The following KCNB2 variants were observed in gnomAD, a reference collection of about 807,000 sequenced individuals.
KCNB2 encodes the protein delayed rectifier potassium channel protein.
In KCNB2, 15 loss-of-function variants were observed where a neutral mutation model predicts 61.5. The observed-to-expected ratio is 0.24, with a 90% CI of 0.16 to 0.38. KCNB2 has a LOEUF of 0.38. KCNB2 is among the 10% of genes least tolerant of loss of function. The pLI, the probability that KCNB2 is intolerant of heterozygous loss-of-function variation, is 1.00. For missense variants in KCNB2, 828 were observed against 1,125.2 expected, an observed-to-expected ratio of 0.74 and a Z score of 3.78; for synonymous variants, 457 against 446.0, an observed-to-expected ratio of 1.02 and a Z score of -0.31.
chr8:72,574,758 C>T (rs756576500), intron 2 of KCNB2, among the ~76,000 whole-genome samples: 2 of 152,116 alleles, frequency 1.3e-5, no homozygotes, highest in Non-Finnish European at 2.9e-5. Context: ...AAATAGAGTA[C>T]ATCAACAGTA....
At chr8:72,682,397 G>A (rs1262028231) in intron 2 of KCNB2, among the ~76,000 whole-genome samples, 1 of 151,946 alleles carries the variant, frequency 6.6e-6, no homozygotes, top group Non-Finnish European at 1.5e-5. Flanking sequence ...GTATTATAAA[G>A]GAGTTGCTAA....
rs367777619 is a variant in KCNB2 at position 72,546,735 on chromosome 8, G to A, written c.-94+8850G>A. Among the ~76,000 whole-genome samples the A allele has an allele frequency of 8.3e-4, 127 of 152,200 alleles. 1 individual carries two copies. Among genetic ancestry groups the A allele is most frequent in the South Asian group, 1.5e-3 (7 of 4,814 alleles). The stretch of plus-strand genomic sequence containing the variant: ...CAGCCTTGAACTCCTGGGCTCATGG[G>A]ATCCTCCCCCTTCAGCCTTCCAAGT... On this transcript the variant is annotated intron_variant, in intron 1 of 2. Transcript: ENST00000523207.
chr8:72,819,954 G>A (rs1172146501), intron 2 of KCNB2, among the ~76,000 whole-genome samples: 1 of 152,046 alleles, frequency 6.6e-6, no homozygotes, highest in Non-Finnish European at 1.5e-5. Context: ...CTCCACTCTA[G>A]TTGGCTGGTT....
intron 2 of KCNB2, among the ~76,000 whole-genome samples, chr8:72,860,701 C>T (rs1810286004): frequency 6.6e-6 from 1 of 152,158 alleles, no homozygotes; most frequent in African/African-American, 2.4e-5. Context: ...CATTTCTACC[C>T]CTAGCATAAG....
intron 2 of KCNB2, among the ~76,000 whole-genome samples, chr8:72,644,546 A>G (rs1410805491): frequency 6.6e-6 from 1 of 152,138 alleles, no homozygotes. Context: ...GAGCTGCCTT[A>G]TTGGAAAGCC....
intron 2 of KCNB2, among the ~76,000 whole-genome samples, chr8:72,891,808 T>C (rs2129005898): frequency 6.6e-6 from 1 of 152,334 alleles, no homozygotes; most frequent in South Asian, 2.1e-4. Context: ...TAGAGATTTT[T>C]TTTCCTTTTA....
chr8:72,841,141 C>T (rs1198108234), intron 2 of KCNB2, among the ~76,000 whole-genome samples: 1 of 152,134 alleles, frequency 6.6e-6, no homozygotes, highest in Non-Finnish European at 1.5e-5. Context: ...GTTTTCCCAA[C>T]ACCATTTATT....
intron 2 of KCNB2, among the ~76,000 whole-genome samples, chr8:72,665,610 G>A (rs576766684): frequency 8.3e-6 from 1 of 120,248 alleles, no homozygotes; most frequent in South Asian, 2.9e-4. Flanking sequence ...AGAACCTAAG[G>A]TGGGCCTGGC....
At chr8:72,700,337 A>G (rs765837621) in intron 2 of KCNB2, among the ~76,000 whole-genome samples, 5 of 152,146 alleles carry the variant, frequency 3.3e-5, no homozygotes, top group Non-Finnish European at 7.4e-5. Flanking sequence ...CGTTCTGCAC[A>G]TGTATCCCAG....
intron 2 of KCNB2, among the ~76,000 whole-genome samples, chr8:72,659,888 C>G (rs1806351497): frequency 6.6e-6 from 1 of 152,180 alleles, no homozygotes; most frequent in South Asian, 2.1e-4. Flanking sequence ...CTTTTGTACA[C>G]TGGAAAAACA....
rs112213736 is a variant in KCNB2 at position 72,892,105 on chromosome 8, A to C, written c.580-43830A>C. ...CCATTTCATTGTTAATGCGCACACA[A>C]AACAGCAGGAGAGGAAATCTGAAGT... On this transcript the variant is annotated intron_variant, in intron 2 of 2. Coordinates refer to ENST00000523207, the MANE Select transcript of KCNB2 (RefSeq NM_004770.3). Among the ~76,000 whole-genome samples the C allele has an allele frequency of 6.5e-3, 983 of 152,310 alleles. 2 individuals are homozygous for C. The highest frequency in any genetic ancestry group is 0.01 in the Non-Finnish European group (713 of 68,016).
chr8:72,755,144 A>C (rs1808267303), intron 2 of KCNB2, among the ~76,000 whole-genome samples: 1 of 152,154 alleles, frequency 6.6e-6, no homozygotes, highest in Admixed American at 6.5e-5. Context: ...TGTTCTATAA[A>C]ATAACTGACC....
chr8:72,554,565 TA>T (rs1183621428), intron 1 of KCNB2, among the ~76,000 whole-genome samples: 1 of 152,124 alleles, frequency 6.6e-6, no homozygotes, highest in African/African-American at 2.4e-5. Flanking sequence ...CAAAGTCTAA[TA>T]CAAAGAACTA....
chr8:72,797,905 A>C (rs1809056923), intron 2 of KCNB2, among the ~76,000 whole-genome samples: 1 of 152,162 alleles, frequency 6.6e-6, no homozygotes, highest in Admixed American at 6.5e-5. Context: ...TTCATGACCA[A>C]AACTTTTAAA....
chr8:72,830,103 C>T (rs946217236), intron 2 of KCNB2, among the ~76,000 whole-genome samples: 7 of 151,868 alleles, frequency 4.6e-5, no homozygotes, highest in Non-Finnish European at 1.0e-4. Flanking sequence ...CTTCACTATG[C>T]CTTCAGCTTT....
intron 2 of KCNB2, among the ~76,000 whole-genome samples, chr8:72,641,282 C>A (rs766131198): frequency 2.4e-4 from 37 of 151,918 alleles, no homozygotes; most frequent in Non-Finnish European, 2.2e-4. Flanking sequence ...TTTTCTCATC[C>A]CTAAAGTTCC....
At chr8:72,575,062 G>A (rs1240038175) in intron 2 of KCNB2, among the ~76,000 whole-genome samples, 7 of 152,052 alleles carry the variant, frequency 4.6e-5, no homozygotes, top group Non-Finnish European at 1.0e-4. Flanking sequence ...TTCCCATGGG[G>A]CATATACCTG....
chr8:72,792,088 G>T (rs900089934), intron 2 of KCNB2, among the ~76,000 whole-genome samples: 2 of 152,162 alleles, frequency 1.3e-5, no homozygotes, highest in Non-Finnish European at 2.9e-5. Flanking sequence ...CCATTTAGCA[G>T]CAGTAAATGG....
At chr8:72,838,837 T>G (rs1563400181) in intron 2 of KCNB2, among the ~76,000 whole-genome samples, 2 of 152,348 alleles carry the variant, frequency 1.3e-5, no homozygotes, top group Middle Eastern at 3.4e-3. Flanking sequence ...TCATATGAAA[T>G]TTCTAGGTGT....
Sources: gnomAD v4.1 joint callset for allele counts (sites outside exome capture counted in the v4.1 genomes callset) on GRCh38, gnomAD v4.1.1 for gene constraint, MANE v1.5 for transcripts, NCBI Gene and HGNC (gene_info 2026-07-23, HGNC 2026-07-21) for gene names.